The following TTC27 variants were observed in gnomAD, a reference collection of about 807,000 sequenced individuals.
TTC27 encodes the protein tetratricopeptide repeat protein 27.
In TTC27, 79 loss-of-function variants were observed where a neutral mutation model predicts 115.9. The observed-to-expected ratio is 0.68, with a 90% CI of 0.57 to 0.82. The LOEUF (loss-of-function observed/expected upper bound fraction) is 0.82. Among genes scored for constraint, TTC27 ranks in the 40% least tolerant of loss-of-function variants. The pLI is 0.00. For missense variants in TTC27, 1,054 were observed against 993.1 expected, an observed-to-expected ratio of 1.06 and a Z score of -0.82; for synonymous variants, 401 against 356.0, an observed-to-expected ratio of 1.13 and a Z score of -1.42.
At chr2:32,768,352 AATATGTTT>A (rs1669711162) in intron 13 of TTC27, among the ~76,000 whole-genome samples, 1 of 152,220 alleles carries the variant, frequency 6.6e-6, no homozygotes, top group Non-Finnish European at 1.5e-5. Context: ...TTGGTTGATA[AATATGTTT>A]ATTTAAACCG....
rs1315152839 is a variant in TTC27 at position 32,677,448 on chromosome 2, CTG to C, written c.1053-1406_1053-1405del. Among the ~76,000 whole-genome samples the C allele has an allele frequency of 1.4e-4, 22 of 151,934 alleles. No homozygotes were observed. The East Asian group carries it at 3.7e-3, about 25-fold the overall frequency. ...AATGTTCACAAAGAATAGTGCCAAA[CTG>C]TTTTCTTCTTTTTTTTTGAGATGGA... On this transcript the variant is annotated intron_variant, in intron 8 of 19. Coordinates refer to ENST00000317907, the MANE Select transcript of TTC27 (RefSeq NM_017735.5).
At chr2:32,712,854 C>T (rs1209246493) in intron 10 of TTC27, among the ~76,000 whole-genome samples, 1 of 152,100 alleles carries the variant, frequency 6.6e-6, no homozygotes, top group East Asian at 1.9e-4. Flanking sequence ...GCCTTAAATT[C>T]TTATATTCAA....
chr2:32,736,165 T>A (rs6735671), intron 11 of TTC27, among the ~76,000 whole-genome samples: 54,496 of 151,936 alleles, frequency 0.36, 10,347 homozygotes, highest in Non-Finnish European at 0.41. Flanking sequence ...AGTTTGCTCT[T>A]TTTTTTATCT....
At position 32,668,560 on chromosome 2, in the gene TTC27, C is replaced by CCCTTCCTTCCTTCCTT. The variant is rs1553547640; in HGVS notation, c.939+1811_939+1826dup. Among the ~76,000 whole-genome samples, 57 of 15,976 alleles carry CCCTTCCTTCCTTCCTT rather than the reference C, an allele frequency of 3.6e-3. 4 individuals are homozygous for CCCTTCCTTCCTTCCTT. Among genetic ancestry groups the CCCTTCCTTCCTTCCTT allele is most frequent in the South Asian group, 0.014 (3 of 220 alleles). 10.5% of individuals were successfully genotyped at this position (15,976 alleles called of 152,430 possible). A position where few individuals can be genotyped will look rare whatever the true frequency, so the allele number is the denominator to read the frequency against. The stretch of plus-strand genomic sequence containing the variant: ...TTCCTCCCTCCCTCCCTCCCTCCCT[C>CCCTTCCTTCCTTCCTT]CCTTCCTTCCTTCCTTCCTTCCTTC... On this transcript the variant is annotated intron_variant, in intron 7 of 19. Transcript: ENST00000317907.
intron 9 of TTC27, 114 bp downstream of exon 9, chr2:32,679,036 G>A (rs1160251335): frequency 2.3e-6 from 2 of 853,568 alleles, no homozygotes; most frequent in Non-Finnish European, 3.6e-6. Flanking sequence ...AGGAAATAAG[G>A]TGGAGAAAAA....
intron 5 of TTC27, among the ~76,000 whole-genome samples, chr2:32,652,549 A>G (rs1036314095): frequency 7.9e-5 from 12 of 152,254 alleles, no homozygotes; most frequent in African/African-American, 2.4e-4. Flanking sequence ...GTTCTTTTCT[A>G]TATTATATTT....
Position 32,669,396 on chromosome 2 carries a change from T to C in TTC27, c.939+2628T>C, listed in dbSNP as rs1179567260. 3.3e-5 allele frequency among the ~76,000 whole-genome samples: 5 copies of C among 152,356 alleles called. No homozygotes were observed. The South Asian group carries it at 1.0e-3, about 32-fold the overall frequency. ...GAGTACAAGTTGTATGCTGTAGGTA[T>C]GGATTAGATAGAAACATAGCTTTAT... is the stretch of plus-strand genomic sequence containing the variant. On this transcript the variant is annotated intron_variant, in intron 7 of 19. Coordinates refer to ENST00000317907, the MANE Select transcript of TTC27 (RefSeq NM_017735.5).
Position 32,628,103 on chromosome 2 carries a change from C to A in TTC27, c.-190C>A, listed in dbSNP as rs1429745613. 1.8e-6 allele frequency: 1 copy of A among 568,580 alleles called. No homozygotes were observed. Among genetic ancestry groups the A allele is most frequent in the Non-Finnish European group, 3.1e-6 (1 of 323,280 alleles). 35.2% of individuals were successfully genotyped at this position (568,580 alleles called of 1,614,324 possible). On this transcript the variant is annotated 5_prime_UTR_variant, in exon 1 of 20. Transcript: ENST00000317907. ...AGCGTGCGTGTTTTTCCCAGGGTGC[C>A]CCGCGCTGCTGTTATGGCCGCCTCC...
chr2:32,746,639 A>C (rs1186980111), intron 12 of TTC27, among the ~76,000 whole-genome samples: 2 of 151,990 alleles, frequency 1.3e-5, no homozygotes, highest in Non-Finnish European at 2.9e-5. Flanking sequence ...AGAAATTCTA[A>C]AGCTTTTGCA....
intron 16 of TTC27, among the ~76,000 whole-genome samples, chr2:32,787,611 G>T (rs1295162907): frequency 2.0e-5 from 3 of 152,182 alleles, no homozygotes; most frequent in African/African-American, 4.8e-5. Flanking sequence ...ATGAGATGGT[G>T]CTGTGTTTGG....
chr2:32,642,332 A>G (rs1037649490), intron 4 of TTC27, among the ~76,000 whole-genome samples: 1 of 129,472 alleles, frequency 7.7e-6, no homozygotes, highest in African/African-American at 3.0e-5. Flanking sequence ...GCTCATTGCA[A>G]CCTCCACCTC....
intron 16 of TTC27, among the ~76,000 whole-genome samples, chr2:32,808,700 C>G (rs896654427): frequency 2.0e-5 from 3 of 152,166 alleles, no homozygotes; most frequent in African/African-American, 7.2e-5. Flanking sequence ...GGCAAGAACA[C>G]CAAAAGCTGT....
In TTC27 at chr2:32,706,984, G is replaced by A. The variant is rs557024854; in HGVS notation, c.1233+4064G>A. ...GTGAACAGTAGGATGTGGATGAAGT[G>A]ATATGTACCACTTCTGGGTCATACC... On this transcript the variant is annotated intron_variant, in intron 10 of 19. Transcript: ENST00000317907. Among the ~76,000 whole-genome samples, 3 of 152,316 alleles carry A rather than the reference G, an allele frequency of 2.0e-5. No homozygotes were observed. In the South Asian group the frequency reaches 6.2e-4, roughly 32 times the overall value.
intron 16 of TTC27, among the ~76,000 whole-genome samples, chr2:32,807,203 A>G (rs1428752454): frequency 3.9e-5 from 6 of 152,068 alleles, no homozygotes; most frequent in African/African-American, 1.2e-4. Flanking sequence ...AGATGTATTT[A>G]TGTCTGCTTT....
chr2:32,725,442 T>C (rs1328470498), intron 10 of TTC27, among the ~76,000 whole-genome samples: 2 of 152,030 alleles, frequency 1.3e-5, no homozygotes, highest in Non-Finnish European at 2.9e-5. Flanking sequence ...ATGGGCCCCA[T>C]GCAAGTCCGA....
At chr2:32,710,407 A>G (rs908363700) in intron 10 of TTC27, among the ~76,000 whole-genome samples, 2 of 149,156 alleles carry the variant, frequency 1.3e-5, no homozygotes, top group Non-Finnish European at 3.0e-5. Context: ...TGAATCTTTT[A>G]GGTGTTTATA....
At chr2:32,743,992 C>G (rs1558320753) in intron 12 of TTC27, among the ~76,000 whole-genome samples, 1 of 152,138 alleles carries the variant, frequency 6.6e-6, no homozygotes, top group Non-Finnish European at 1.5e-5. Context: ...TTGAGTTCAT[C>G]CAATGTTTAT....
rs1283679262 is a variant in TTC27 at position 32,663,642 on chromosome 2, AT to A, written c.641-660del. The stretch of plus-strand genomic sequence containing the variant: ...CTTGACAGCCACCCCCTATTTATGT[AT>A]GTATGTATGTATGTATGTATGTATG... On this transcript the variant is annotated intron_variant, in intron 5 of 19. Transcript: ENST00000317907. Among the ~76,000 whole-genome samples the A allele has an allele frequency of 4.3e-4, 25 of 58,302 alleles. No individual in the cohort carries two copies. In the East Asian group the frequency reaches 0.044, roughly 102 times the overall value. The allele number at this position is 58,302 out of a possible 152,430, so 38.2% of individuals were successfully genotyped here. A position where few individuals can be genotyped will look rare whatever the true frequency, so the allele number is the denominator to read the frequency against.
At position 32,820,318 on chromosome 2, in the gene TTC27, C is replaced by T. The variant is rs144312074; in HGVS notation, c.2410-498C>T. Among the ~76,000 whole-genome samples the T allele has an allele frequency of 2.6e-4, 39 of 152,256 alleles. No homozygotes were observed. The East Asian group carries it at 6.9e-3, about 27-fold the overall frequency. ...TGCAATAAACCTCCCAAGGCAATTC[C>T]TTTTTCAGGGAGAGGACACAGTTAT... On this transcript the variant is annotated intron_variant, in intron 19 of 19. Transcript: ENST00000317907.
Sources: allele counts gnomAD v4.1 joint callset (sites outside exome capture counted in the v4.1 genomes callset), GRCh38; gene constraint gnomAD v4.1.1; transcripts MANE v1.5; gene names NCBI Gene and HGNC (gene_info 2026-07-23, HGNC 2026-07-21).